Variants in PTPRN2 observed in about 807,000 individuals in gnomAD.
PTPRN2 encodes protein tyrosine phosphatase receptor type N2, also known as receptor-type tyrosine-protein phosphatase N2.
Under a neutral mutation model 118.8 loss-of-function variants are expected in PTPRN2, and 74 were observed. That is an observed-to-expected ratio of 0.62 (90% CI 0.52 to 0.76). PTPRN2 has a LOEUF of 0.76. PTPRN2 is among the 30% of genes least tolerant of loss of function. PTPRN2 has a pLI of 0.00. For missense variants in PTPRN2, 1,481 were observed against 1,394.4 expected, an observed-to-expected ratio of 1.06 and a Z score of -0.99; for synonymous variants, 641 against 608.0, an observed-to-expected ratio of 1.05 and a Z score of -0.80.
rs1357674511 is a variant in PTPRN2 at position 157,787,978 on chromosome 7, CAGCCGGGGCCTGGAGGCCGACACA to C, written c.1789-105065_1789-105042del. 6.6e-6 allele frequency among the ~76,000 whole-genome samples: 1 copy of C among 152,212 alleles called. No homozygotes were observed. Among genetic ancestry groups the C allele is most frequent in the African/African-American group, 2.4e-5 (1 of 41,454 alleles). On this transcript the variant is annotated intron_variant, in intron 12 of 22. Coordinates refer to ENST00000389418, the MANE Select transcript of PTPRN2 (RefSeq NM_002847.5). The surrounding 1 kb of genome is among the most constrained non-coding windows in gnomAD (Gnocchi z 5.3). ...AGCACCGGGTCCCCTGGGAACCACGCAGCCGGGGCCTGGAGGCCGACACAAGCCAGACCCAGCCTCTCTGCCATT... is the reference window on the plus strand; with the variant it reads ...AGCACCGGGTCCCCTGGGAACCACGCAGCCAGACCCAGCCTCTCTGCCATT...
At chr7:158,579,262 C>T (rs1828506300) in intron 1 of PTPRN2, among the ~76,000 whole-genome samples, 1 of 152,208 alleles carries the variant, frequency 6.6e-6, no homozygotes. Flanking sequence ...AATGCTTTTG[C>T]AATAATCTCT....
In PTPRN2 at chr7:158,457,778, G is replaced by A. The variant is rs146681405; in HGVS notation, c.163+31957C>T. On this transcript the variant is annotated intron_variant, in intron 2 of 22. Coordinates refer to ENST00000389418, the MANE Select transcript of PTPRN2 (RefSeq NM_002847.5). ...GCCTGCGGGAACACAGCGGATGCGC[G>A]GCCCCAGTCAGCGCACGGTGAGGGG... 1.3e-3 allele frequency among the ~76,000 whole-genome samples: 186 copies of A among 147,120 alleles called. 1 individual carries two copies. The highest frequency in any genetic ancestry group is 0.011 in the Middle Eastern group (3 of 282).
At chr7:158,147,723 C>G (rs1820301876) in intron 6 of PTPRN2, among the ~76,000 whole-genome samples, 2 of 145,370 alleles carry the variant, frequency 1.4e-5, no homozygotes, top group South Asian at 2.2e-4. Context: ...ACTGACACCC[C>G]ATCTCACGCC....
chr7:158,117,636 GACAA>G (rs374027141), intron 9 of PTPRN2, among the ~76,000 whole-genome samples: 14 of 151,986 alleles, frequency 9.2e-5, no homozygotes, highest in Admixed American at 7.9e-4. Flanking sequence ...AAAAGACAAG[GACAA>G]ACAGAGAATT....
Position 158,412,395 on chromosome 7 carries a change from A to G in PTPRN2, c.163+77340T>C, listed in dbSNP as rs1414940177. On this transcript the variant is annotated intron_variant, in intron 2 of 22. Transcript: ENST00000389418. ...AGCACCCTCCTCAACACCAGGGCCC[A>G]TCCAGCGCCCTCCTCAGCACCAGGG... 1.2e-4 allele frequency among the ~76,000 whole-genome samples: 10 copies of G among 86,028 alleles called. 2 individuals carry two copies. In the Admixed American group the frequency reaches 1.2e-3, roughly 10 times the overall value. The allele number at this position is 86,028 out of a possible 152,430, so 56.4% of individuals were successfully genotyped here. A position where few individuals can be genotyped will look rare whatever the true frequency, so the allele number is the denominator to read the frequency against.
At chr7:157,749,074 C>G (rs1340623307) in intron 12 of PTPRN2, among the ~76,000 whole-genome samples, 2 of 36,652 alleles carry the variant, frequency 5.5e-5, no homozygotes, top group Admixed American at 3.3e-4. Context: ...GTGGGCTGTC[C>G]GGGTGATTCT....
At chr7:158,133,571 A>G (rs1331504003) in intron 9 of PTPRN2, 106 bp downstream of exon 9, 2 of 1,443,802 alleles carry the variant, frequency 1.4e-6, no homozygotes, top group Non-Finnish European at 1.8e-6. Flanking sequence ...AGTTGAAGAC[A>G]CTTAAAAGCG....
rs1200406454 is a variant in PTPRN2 at position 157,671,107 on chromosome 7, CCCCCCGT to C, written c.2001+11611_2001+11617del. ...CCAAGAGGGTTTACATGCTCCCCCG[CCCCCCGT>C]CCCCTGCCCACAGACCTGCTCTTAC... On this transcript the variant is annotated intron_variant, in intron 13 of 22. Coordinates refer to ENST00000389418, the MANE Select transcript of PTPRN2 (RefSeq NM_002847.5). This position sits in a 1 kb window ranked among gnomAD's most constrained non-coding sequence, Gnocchi z 4.1. 7.1e-6 allele frequency among the ~76,000 whole-genome samples: 1 copy of C among 141,720 alleles called. No homozygotes were observed. The highest frequency in any genetic ancestry group is 1.6e-5 in the Non-Finnish European group (1 of 64,184). 93.0% of individuals were successfully genotyped at this position (141,720 alleles called of 152,430 possible). A position where few individuals can be genotyped will look rare whatever the true frequency, so the allele number is the denominator to read the frequency against.
At chr7:158,337,118 G>A (rs1426176148) in intron 2 of PTPRN2, among the ~76,000 whole-genome samples, 12 of 145,092 alleles carry the variant, frequency 8.3e-5, no homozygotes, top group African/African-American at 2.6e-4. Flanking sequence ...AAGAGCTGAG[G>A]CCCACAGAGG....
intron 11 of PTPRN2, among the ~76,000 whole-genome samples, chr7:158,065,029 G>A (rs1385911678): frequency 2.0e-5 from 3 of 152,260 alleles, no homozygotes; most frequent in Non-Finnish European, 2.9e-5. Context: ...CAGAAAGATG[G>A]TGCTGCGCAT....
intron 1 of PTPRN2, chr7:158,541,820 A>C (rs865815916): frequency 1.7e-4 from 143 of 834,000 alleles, no homozygotes; most frequent in Middle Eastern, 1.2e-3. Context: ...GGAAGCTGAG[A>C]GACTGCAGAG....
chr7:158,441,052 TAGTGATGGGGG>T (rs1484553748), intron 2 of PTPRN2, among the ~76,000 whole-genome samples: 3 of 53,814 alleles, frequency 5.6e-5, no homozygotes, highest in Admixed American at 4.7e-4. Flanking sequence ...GTGATGGTGG[TAGTGATGGGGG>T]TGGTAGTGAT....
chr7:157,810,449 G>C (rs1805925330), intron 12 of PTPRN2, among the ~76,000 whole-genome samples: 2 of 150,540 alleles, frequency 1.3e-5, no homozygotes, highest in African/African-American at 4.9e-5. Context: ...CGGCGGGGCT[G>C]CTGGGCACAG....
chr7:158,193,647 T>TA (rs1374466406), intron 4 of PTPRN2, among the ~76,000 whole-genome samples: 1 of 151,930 alleles, frequency 6.6e-6, no homozygotes, highest in Non-Finnish European at 1.5e-5. Flanking sequence ...GGGCATGGCC[T>TA]CCCTAGGGAT....
chr7:158,533,920 C>T (rs964151699), intron 1 of PTPRN2, among the ~76,000 whole-genome samples: 16 of 152,348 alleles, frequency 1.1e-4, no homozygotes, highest in African/African-American at 3.4e-4. Context: ...TCTCCCCAGC[C>T]ACCACTGCCT....
intron 11 of PTPRN2, among the ~76,000 whole-genome samples, chr7:157,961,542 A>T (rs928695873): frequency 1.6e-4 from 24 of 152,150 alleles, no homozygotes; most frequent in Non-Finnish European, 2.5e-4. Context: ...CAAAAAAAAA[A>T]AAAATTATAA....
chr7:158,562,552 C>T (rs994694992), intron 1 of PTPRN2, among the ~76,000 whole-genome samples: 4 of 152,176 alleles, frequency 2.6e-5, no homozygotes, highest in Non-Finnish European at 5.9e-5. Flanking sequence ...CAGCGAAACC[C>T]AGGGCCTGTC....
At chr7:158,210,493 A>G (rs1024670469) in intron 3 of PTPRN2, among the ~76,000 whole-genome samples, 2 of 152,212 alleles carry the variant, frequency 1.3e-5, no homozygotes, top group South Asian at 4.1e-4. Context: ...AAATAAATCA[A>G]GTTGGAATGA....
intron 11 of PTPRN2, among the ~76,000 whole-genome samples, chr7:158,074,320 C>T (rs961894262): frequency 2.2e-4 from 34 of 152,166 alleles, no homozygotes; most frequent in Non-Finnish European, 4.6e-4. Flanking sequence ...GCTGAGACCC[C>T]CTCGGCAGCT....
Sources: gnomAD v4.1 joint callset for allele counts (sites outside exome capture counted in the v4.1 genomes callset) on GRCh38, gnomAD v4.1.1 for gene constraint, Gnocchi (gnomAD v3.1) non-coding constraint, MANE v1.5 for transcripts, NCBI Gene and HGNC (gene_info 2026-07-23, HGNC 2026-07-21) for gene names.